The following KIAA1217 variants were observed in gnomAD, a reference collection of about 807,000 sequenced individuals.
KIAA1217 encodes sickle tail protein homolog.
Under a neutral mutation model 163.9 loss-of-function variants are expected in KIAA1217, and 88 were observed. The observed-to-expected ratio is 0.54, with a 90% CI of 0.45 to 0.64. The LOEUF is 0.64. KIAA1217 is among the 30% of genes least tolerant of loss of function. The probability of loss-of-function intolerance (pLI) is 0.00; values close to 1 mark genes in which losing one functional copy is unlikely to be tolerated. For synonymous variants in KIAA1217, 903 were observed against 923.1 expected (o/e 0.98, Z 0.39); for missense variants, 2,372 against 2,475.0 (o/e 0.96, Z 0.88).
rs2064992030 is a variant in KIAA1217, at chr10:24,158,805, A to T, written c.-170-60821A>T. The T allele has an allele frequency of 6.8e-6, 3 of 439,210 alleles. No individual in the cohort carries two copies. In the Admixed American group the frequency reaches 8.3e-5, roughly 12 times the overall value. 27.2% of individuals were successfully genotyped at this position (439,210 alleles called of 1,614,324 possible). On this transcript the variant is annotated intron_variant, in intron 2 of 18. Coordinates refer to the KIAA1217 transcript ENST00000376462. Reference sequence around the variant, plus strand: ...TCTGGCCGGTAGTAGAAGACCAAGGAGGAGGTTGTTACACTAAAACAGAGT... The same window carrying T: ...TCTGGCCGGTAGTAGAAGACCAAGGTGGAGGTTGTTACACTAAAACAGAGT...
intron 1 of KIAA1217, among the ~76,000 whole-genome samples, chr10:23,740,408 G>A (rs1275760626): frequency 6.6e-6 from 1 of 152,120 alleles, no homozygotes; most frequent in African/African-American, 2.4e-5. Flanking sequence ...GCCCAGGCTC[G>A]AGTGCAGTGA....
At chr10:24,338,686 C>T (rs2046696919) in intron 2 of KIAA1217, among the ~76,000 whole-genome samples, 1 of 152,116 alleles carries the variant, frequency 6.6e-6, no homozygotes. Flanking sequence ...AACGTATTTG[C>T]TTTTTCCTCA....
intron 2 of KIAA1217, among the ~76,000 whole-genome samples, chr10:24,057,846 C>A (rs1361672603): frequency 6.6e-6 from 1 of 152,144 alleles, no homozygotes; most frequent in African/African-American, 2.4e-5. Context: ...TCCCATTCCA[C>A]AGGTTGCCTT....
intron 1 of KIAA1217, among the ~76,000 whole-genome samples, chr10:23,988,964 G>A (rs1017111038): frequency 5.9e-5 from 9 of 152,102 alleles, no homozygotes; most frequent in South Asian, 2.1e-4. Flanking sequence ...ATCTCATTAC[G>A]TAATACCTTG....
At chr10:24,175,776 T>C (rs1180389926) in intron 2 of KIAA1217, among the ~76,000 whole-genome samples, 1 of 151,944 alleles carries the variant, frequency 6.6e-6, no homozygotes, top group South Asian at 2.1e-4. Context: ...TCGTGGTGAG[T>C]GTTACAGTTC....
chr10:23,959,829 C>T (rs575730463), intron 1 of KIAA1217, among the ~76,000 whole-genome samples: 6 of 151,512 alleles, frequency 4.0e-5, no homozygotes, highest in East Asian at 1.9e-4. Context: ...AGGATAAGGA[C>T]GTTTCTTTCC....
intron 2 of KIAA1217, among the ~76,000 whole-genome samples, chr10:24,365,977 A>T (rs540189807): frequency 1.3e-5 from 2 of 152,324 alleles, no homozygotes; most frequent in Admixed American, 6.5e-5. Flanking sequence ...ATATGTTACT[A>T]GTCCTTATGG....
chr10:24,378,002 G>C (rs142122924), intron 2 of KIAA1217, among the ~76,000 whole-genome samples: 6 of 152,300 alleles, frequency 3.9e-5, no homozygotes, highest in African/African-American at 1.4e-4. Context: ...GATGGCTGCT[G>C]TCTTATCTTT....
intron 5 of KIAA1217, among the ~76,000 whole-genome samples, chr10:24,455,258 T>G (rs1047314769): frequency 5.3e-5 from 8 of 152,172 alleles, no homozygotes; most frequent in African/African-American, 1.4e-4. Context: ...GCACAGAATT[T>G]TTATCGACAG....
At chr10:24,456,698 A>T (rs533329653) in intron 5 of KIAA1217, among the ~76,000 whole-genome samples, 32 of 149,964 alleles carry the variant, frequency 2.1e-4, no homozygotes, top group African/African-American at 7.5e-4. Flanking sequence ...GATGAGGAGG[A>T]TTAAACCTTT....
Position 24,432,982 on chromosome 10 carries a change from C to A in KIAA1217, c.554-13C>A, listed in dbSNP as rs751941589. The A allele has an allele frequency of 6.2e-7, 1 of 1,612,508 alleles. No homozygotes were observed. The highest frequency in any genetic ancestry group is 1.1e-5 in the South Asian group (1 of 90,992). On this transcript the variant is annotated splice_polypyrimidine_tract_variant and intron_variant, in intron 3 of 20. Transcript: ENST00000376454. Reference sequence around the variant, plus strand: ...CTTGACCTGTGACTAATAACTGTTTCCTTTGTGTGCAGGGGTTCTCTATCT... The same window carrying A: ...CTTGACCTGTGACTAATAACTGTTTACTTTGTGTGCAGGGGTTCTCTATCT...
intron 1 of KIAA1217, among the ~76,000 whole-genome samples, chr10:23,702,662 A>G (rs915336413): frequency 7.5e-6 from 1 of 133,238 alleles, no homozygotes; most frequent in Non-Finnish European, 1.6e-5. Flanking sequence ...ACAGAACAGG[A>G]GAATACACAC....
chr10:24,116,320 C>G (rs1165841150), intron 2 of KIAA1217, among the ~76,000 whole-genome samples: 2 of 152,078 alleles, frequency 1.3e-5, no homozygotes, highest in East Asian at 3.9e-4. Flanking sequence ...TGGTGACCCT[C>G]TATCATACAG....
intron 2 of KIAA1217, among the ~76,000 whole-genome samples, chr10:24,177,967 C>T (rs752449055): frequency 3.3e-5 from 5 of 152,258 alleles, no homozygotes; most frequent in Non-Finnish European, 7.3e-5. Context: ...ACAGATAGCA[C>T]CAGGTCTGGT....
At chr10:23,721,917 A>T (rs1837890436) in intron 1 of KIAA1217, among the ~76,000 whole-genome samples, 3 of 152,086 alleles carry the variant, frequency 2.0e-5, no homozygotes, top group Admixed American at 2.0e-4. Flanking sequence ...TTGCTTTTAC[A>T]AATATTTCCT....
intron 2 of KIAA1217, among the ~76,000 whole-genome samples, chr10:24,030,341 T>C (rs1848140477): frequency 6.6e-6 from 1 of 152,050 alleles, no homozygotes; most frequent in Non-Finnish European, 1.5e-5. Context: ...CCACTTGCTG[T>C]TCTCATGATA....
In KIAA1217 at chr10:24,309,917, G is replaced by A. The variant is rs141734740; in HGVS notation, c.355-70952G>A. Among the ~76,000 whole-genome samples the A allele has an allele frequency of 3.9e-4, 60 of 152,278 alleles. 1 individual carries two copies. In the East Asian group the frequency reaches 7.3e-3, roughly 19 times the overall value. ...AACCTATTGTCCTTAAACTTTATGA[G>A]CAGTGCAATAATTGTTATTTGCACC... On this transcript the variant is annotated intron_variant, in intron 2 of 20. Coordinates refer to ENST00000376454, the MANE Select transcript of KIAA1217 (RefSeq NM_019590.5).
At chr10:24,116,383 G>A (rs540155792) in intron 2 of KIAA1217, among the ~76,000 whole-genome samples, 3 of 152,052 alleles carry the variant, frequency 2.0e-5, no homozygotes, top group Non-Finnish European at 2.9e-5. Context: ...AATATTTTGG[G>A]CTCTGCAGAC....
intron 2 of KIAA1217, among the ~76,000 whole-genome samples, chr10:24,311,242 G>T (rs2042656439): frequency 6.6e-6 from 1 of 152,158 alleles, no homozygotes; most frequent in Non-Finnish European, 1.5e-5. Context: ...CCCAGCCTGT[G>T]TCCTGTGACA....
Sources: allele counts gnomAD v4.1 joint callset (sites outside exome capture counted in the v4.1 genomes callset), GRCh38; gene constraint gnomAD v4.1.1; transcripts MANE v1.5; gene names NCBI Gene and HGNC (gene_info 2026-07-23, HGNC 2026-07-21).